The following LYST variants were observed in gnomAD, a reference collection of about 807,000 sequenced individuals.
LYST encodes the protein lysosomal-trafficking regulator.
Under a neutral mutation model 413.6 loss-of-function variants are expected in LYST, and 192 were observed. The ratio of observed to expected loss-of-function variants is 0.46; its 90% CI spans 0.41 to 0.52. The LOEUF is 0.52. Ranked by LOEUF, LYST falls within the 20% of genes least tolerant of loss-of-function variation. The pLI, the probability that LYST is intolerant of heterozygous loss-of-function variation, is 0.00. For missense variants in LYST, 3,815 were observed against 4,499.9 expected, an observed-to-expected ratio of 0.85 and a Z score of 4.35; for synonymous variants, 1,525 against 1,567.3, an observed-to-expected ratio of 0.97 and a Z score of 0.64.
intron 14 of LYST, among the ~76,000 whole-genome samples, chr1:235,783,163 A>C (rs1670041440): frequency 6.6e-6 from 1 of 152,236 alleles, no homozygotes. Context: ...AGACAGGATA[A>C]GCTAACACGG....
intron 3 of LYST, among the ~76,000 whole-genome samples, chr1:235,820,765 T>A (rs1432401678): frequency 3.3e-5 from 5 of 152,268 alleles, no homozygotes; most frequent in Non-Finnish European, 4.4e-5. Context: ...GTGTATGGAC[T>A]ATTTAAGTCC....
At position 235,842,787 on chromosome 1, in the gene LYST, T is replaced by C. The variant is rs190419612; in HGVS notation, c.-97-9120A>G. ...TGGCTCTGCTTTCATTGAATGAGAC[T>C]TCCTGCAGACATCTGGATAGTTAAC... On this transcript the variant is annotated intron_variant, in intron 1 of 52. Coordinates refer to ENST00000389793, the MANE Select transcript of LYST (RefSeq NM_000081.4). 1.2e-4 allele frequency among the ~76,000 whole-genome samples: 18 copies of C among 152,338 alleles called. No homozygotes were observed. In the East Asian group the frequency reaches 3.3e-3, roughly 28 times the overall value.
At chr1:235,805,653 AATACATATTACATTTTTTATATAT>A in intron 6 of LYST, 66 bp downstream of exon 6, 1 of 533,306 alleles carries the variant, frequency 1.9e-6, no homozygotes, top group Non-Finnish European at 3.1e-6. Flanking sequence ...TATATTATGT[AATACATATTACATTTTTTATATAT>A]ATATGTGTGT....
intron 25 of LYST, 119 bp downstream of exon 25, chr1:235,755,359 A>T: frequency 2.1e-6 from 2 of 975,500 alleles, no homozygotes; most frequent in Non-Finnish European, 3.2e-6. Context: ...ATTGCACTCC[A>T]GCCTGGGCAA....
intron 48 of LYST, among the ~76,000 whole-genome samples, chr1:235,683,240 G>C (rs963778638): frequency 6.6e-6 from 1 of 152,210 alleles, no homozygotes; most frequent in Non-Finnish European, 1.5e-5. Flanking sequence ...GGGTCGAGCA[G>C]GTCTCTTGTG....
intron 1 of LYST, among the ~76,000 whole-genome samples, chr1:235,850,378 C>A (rs1042791075): frequency 2.0e-5 from 3 of 152,046 alleles, no homozygotes; most frequent in Non-Finnish European, 4.4e-5. Context: ...AAATCAACTA[C>A]ACATGTACTA....
At chr1:235,666,859 G>A (rs530476547) in intron 50 of LYST, among the ~76,000 whole-genome samples, 136 of 152,226 alleles carry the variant, frequency 8.9e-4, no homozygotes, top group African/African-American at 3.1e-3. Flanking sequence ...AAGGCTCATT[G>A]AAGTCACTGG....
At chr1:235,767,387 C>G (rs1462461550) in intron 20 of LYST, among the ~76,000 whole-genome samples, 2 of 152,072 alleles carry the variant, frequency 1.3e-5, no homozygotes, top group Non-Finnish European at 2.9e-5. Flanking sequence ...CAGAAGAAAA[C>G]ACAAAACTCC....
intron 1 of LYST, among the ~76,000 whole-genome samples, chr1:235,865,032 A>G (rs1429053003): frequency 1.3e-5 from 2 of 152,162 alleles, no homozygotes; most frequent in Non-Finnish European, 2.9e-5. Context: ...GGCCTTATAC[A>G]GTCTAATCTC....
chr1:235,841,964 T>C (rs1677264252), intron 1 of LYST, among the ~76,000 whole-genome samples: 1 of 152,138 alleles, frequency 6.6e-6, no homozygotes. Context: ...CAAAATAATT[T>C]ACTGGTTGGC....
intron 1 of LYST, among the ~76,000 whole-genome samples, chr1:235,849,234 A>C (rs1678244072): frequency 6.6e-6 from 1 of 152,206 alleles, no homozygotes; most frequent in Non-Finnish European, 1.5e-5. Flanking sequence ...AATAAATGTG[A>C]TACACCACAT....
At chr1:235,679,595 CTCT>C (rs1659653394) in intron 48 of LYST, among the ~76,000 whole-genome samples, 1 of 151,690 alleles carries the variant, frequency 6.6e-6, no homozygotes. Flanking sequence ...GTAGGAATTC[CTCT>C]ATTTGTGGAA....
chr1:235,837,512 A>C (rs562829678), intron 1 of LYST, among the ~76,000 whole-genome samples: 1 of 151,960 alleles, frequency 6.6e-6, no homozygotes, highest in South Asian at 2.1e-4. Context: ...CTGTAATCCT[A>C]GCTACTTGGG....
Position 235,766,103 on chromosome 1 carries a change from T to G in LYST, c.6097A>C (p.Asn2033His), listed in dbSNP as rs749330732. 2 of 1,613,400 alleles carry G rather than the reference T, an allele frequency of 1.2e-6. No individual in the cohort carries two copies. The highest frequency in any genetic ancestry group is 1.3e-5 in the African/African-American group (1 of 75,000). The change falls in exon 21 of 53, where the codon AAC becomes CAC. Residue 2033 changes from asparagine (N) to histidine (H), a missense_variant. By Grantham distance (68) the Asn-to-His change is moderately conservative. Coordinates refer to ENST00000389793, the MANE Select transcript of LYST (RefSeq NM_000081.4). ...TNTYVCHNPT[N>H]FYFSLHIDGK... ...CCTATGTGCAAAGAAAAGTAGAAGT[T>G]CGTGGGATTGTGACAAACGTAAGTA... is the stretch of plus-strand genomic sequence containing the variant.
intron 31 of LYST, among the ~76,000 whole-genome samples, chr1:235,739,268 T>C (rs1034654527): frequency 1.3e-5 from 2 of 152,200 alleles, no homozygotes; most frequent in Non-Finnish European, 2.9e-5. Context: ...TTGTGTGAAA[T>C]AGTTCTGACA....
chr1:235,673,328 C>A (rs777740320), intron 50 of LYST, among the ~76,000 whole-genome samples: 5 of 151,874 alleles, frequency 3.3e-5, no homozygotes, highest in Non-Finnish European at 5.9e-5. Flanking sequence ...TTTGTTATAC[C>A]CTGCAGGAAC....
chr1:235,689,437 T>TA (rs1660479419), intron 47 of LYST, among the ~76,000 whole-genome samples: 1 of 152,068 alleles, frequency 6.6e-6, no homozygotes, highest in Admixed American at 6.5e-5. Flanking sequence ...ATGTGGAATC[T>TA]AAAAAAAGCT....
At position 235,686,949 on chromosome 1, in the gene LYST, C is replaced by T. The variant is rs1660266978; in HGVS notation, c.10800G>A (p.Thr3600=). 1.2e-6 allele frequency: 2 copies of T among 1,612,908 alleles called. No homozygotes were observed. Among genetic ancestry groups the T allele is most frequent in the Non-Finnish European group, 1.7e-6 (2 of 1,178,924 alleles). Residue 3600 remains threonine, a splice_region_variant and synonymous_variant, in exon 48 of 53, where the codon ACG becomes ACA. Coordinates refer to ENST00000389793, the MANE Select transcript of LYST (RefSeq NM_000081.4). This position sits in a 1 kb window ranked among gnomAD's most constrained non-coding sequence, Gnocchi z 4.0. ...ACCCACACAGAAGCCCAGAACCTAC[C>T]GTGCTGCTTGTAAATCTGTTTGTGT... ...TAYTNRFTSS[T]PSEIEMETQI...
At chr1:235,752,301 T>C in intron 26 of LYST, 130 bp from the exon 27 acceptor site, 1 of 655,590 alleles carries the variant, frequency 1.5e-6, no homozygotes, top group Non-Finnish European at 2.7e-6. Context: ...ATGCAGTCAT[T>C]CAGTATTTAT....
Sources: allele counts gnomAD v4.1 joint callset (sites outside exome capture counted in the v4.1 genomes callset), GRCh38; gene constraint gnomAD v4.1.1; non-coding constraint Gnocchi (gnomAD v3.1); transcripts MANE v1.5; gene names NCBI Gene and HGNC (gene_info 2026-07-23, HGNC 2026-07-21).